Variants in GABRD observed in about 807,000 individuals in gnomAD.
GABRD encodes the protein gamma-aminobutyric acid receptor subunit delta.
GABRD carries 25 observed loss-of-function variants against 47.3 expected under a neutral mutation model. The ratio of observed to expected loss-of-function variants is 0.53; its 90% CI spans 0.39 to 0.74. GABRD has a LOEUF of 0.74. GABRD is among the 30% of genes least tolerant of loss of function. The pLI is 0.00. For synonymous variants in GABRD, 314 were observed against 278.8 expected (o/e 1.13, Z -1.26); for missense variants, 497 against 643.4 (o/e 0.77, Z 2.46).
At chr1:2,024,736 G>T in intron 1 of GABRD, 1 of 494,140 alleles carries the variant, frequency 2.0e-6, no homozygotes. Flanking sequence ...AGGGCCAGTG[G>T]AAGAGGCTGA....
intron 3 of GABRD, 22 bp from the exon 4 acceptor site, chr1:2,025,496 G>A (rs1045343810): frequency 7.4e-6 from 12 of 1,611,562 alleles, no homozygotes; most frequent in African/African-American, 1.3e-5. Flanking sequence ...GCTGACCCCC[G>A]GCCCCTGTGC....
chr1:2,027,750 C>T, intron 5 of GABRD, 91 bp downstream of exon 5: 1 of 1,183,028 alleles, frequency 8.5e-7, no homozygotes, highest in South Asian at 1.3e-5. Flanking sequence ...GCTGGCCCGG[C>T]TCAGGATGCA....
At chr1:2,027,757 T>A in intron 5 of GABRD, 98 bp downstream of exon 5, 1 of 1,114,358 alleles carries the variant, frequency 9.0e-7, no homozygotes. Context: ...CGGCTCAGGA[T>A]GCAGGAAAGC....
At position 2,028,867 on chromosome 1, in the gene GABRD, TA is replaced by T. The variant is rs1323452969; in HGVS notation, c.692-242del. 1.7e-6 allele frequency: 1 copy of T among 572,292 alleles called. No homozygotes were observed. The highest frequency in any genetic ancestry group is 3.1e-6 in the Non-Finnish European group (1 of 325,540). 35.5% of individuals were successfully genotyped at this position (572,292 alleles called of 1,614,324 possible). A position where few individuals can be genotyped will look rare whatever the true frequency, so the allele number is the denominator to read the frequency against. ...AGTCCAGCAAACATGAGGCCAGCAG[TA>T]ACCTCAGCCTCTCTCCCTCTCCTCT... is the stretch of plus-strand genomic sequence containing the variant. On this transcript the variant is annotated intron_variant, in intron 6 of 8. Coordinates refer to ENST00000378585, the MANE Select transcript of GABRD (RefSeq NM_000815.5). This position sits in a 1 kb window ranked among gnomAD's most constrained non-coding sequence, Gnocchi z 6.4.
rs772061844 is a variant in GABRD at position 2,029,653 on chromosome 1, G to A, written c.950G>A (p.Cys317Tyr). 2 of 1,613,568 alleles carry A rather than the reference G, an allele frequency of 1.2e-6. No individual in the cohort carries two copies. Among genetic ancestry groups the A allele is most frequent in the South Asian group, 2.2e-5 (2 of 91,090 alleles). Residue 317 changes from cysteine to tyrosine, a missense_variant, in exon 8 of 9, where the codon TGC (cysteine) becomes TAC (tyrosine). By Grantham distance (194) the Cys-to-Tyr change is radical (BLOSUM62 -2). Around this residue, in one of 3 missense-constraint regions of GABRD, gnomAD observed 285 missense variants for 436.6 expected, o/e 0.65. Transcript: ENST00000378585. ...GCACTGGACGTCTACTTCTGGATCT[G>A]CTATGTCTTCGTGTTTGCCGCCCTG... is the stretch of plus-strand genomic sequence containing the variant. ...IKALDVYFWI[C>Y]YVFVFAALVE...
chr1:2,023,359 C>T (rs1046704452), intron 1 of GABRD, among the ~76,000 whole-genome samples: 5 of 151,900 alleles, frequency 3.3e-5, no homozygotes, highest in African/African-American at 9.7e-5. Context: ...GGCCCGGCCT[C>T]AGCTTGACTG....
rs143031542 is a variant in GABRD at position 2,030,142 on chromosome 1, G to A, written c.1219G>A (p.Ala407Thr). 9.3e-5 allele frequency: 146 copies of A among 1,578,120 alleles called. No individual in the cohort carries two copies. The East Asian group carries it at 3.1e-3, about 34-fold the overall frequency. The stretch of plus-strand genomic sequence containing the variant: ...AGGGGAGACGAAGAAGGAGGGGGCA[G>A]CCCGCTCAGGAGGCCAGGGGGGCAT... The part of the protein sequence containing the change: ...ETGETKKEGA[A>T]RSGGQGGIRA... The change falls in exon 9 of 9, where the codon GCC becomes ACC. Residue 407 changes from alanine (A) to threonine (T), a missense_variant. Ala to Thr is a moderately conservative substitution (Grantham distance 58). Coordinates refer to ENST00000378585, the MANE Select transcript of GABRD (RefSeq NM_000815.5).
In GABRD at chr1:2,029,524, G is replaced by T. The variant is rs370906086; in HGVS notation, c.848-27G>T. On this transcript the variant is annotated intron_variant, in intron 7 of 8. Transcript: ENST00000378585. ...TGGGGCGGCGTGAGGGCAGGGCTAC[G>T]ACAATGGCACCACCTGTGCCCGGCA... The T allele has an allele frequency of 1.4e-5, 23 of 1,609,400 alleles. No homozygotes were observed. In the East Asian group the frequency reaches 5.1e-4, roughly 36 times the overall value.
At chr1:2,025,822 G>A in intron 4 of GABRD, 84 bp downstream of exon 4, 1 of 1,271,208 alleles carries the variant, frequency 7.9e-7, no homozygotes, top group Non-Finnish European at 1.1e-6. Flanking sequence ...GCTTGGAAAA[G>A]CTCGAGCGGC....
Position 2,028,301 on chromosome 1 carries a change from T to G in GABRD, c.691+9T>G. On this transcript the variant is annotated intron_variant, in intron 6 of 8. Transcript: ENST00000378585. This position sits in a 1 kb window ranked among gnomAD's most constrained non-coding sequence, Gnocchi z 6.4. ...GATGAACTTCAAGTCCGGTAACATA[T>G]GCCCGCCGCCCCTTCCGCATGTGCC... is the stretch of plus-strand genomic sequence containing the variant. The G allele has an allele frequency of 6.2e-7, 1 of 1,604,716 alleles. No individual in the cohort carries two copies. Among genetic ancestry groups the G allele is most frequent in the South Asian group, 1.1e-5 (1 of 90,646 alleles).
intron 1 of GABRD, 39 bp from the exon 2 acceptor site, chr1:2,024,903 A>T: frequency 6.9e-7 from 1 of 1,449,606 alleles, no homozygotes; most frequent in Non-Finnish European, 9.7e-7. Flanking sequence ...GAATTAAATT[A>T]AGTCCTGGCC....
intron 1 of GABRD, chr1:2,022,221 C>T (rs1008275579): frequency 1.3e-5 from 2 of 152,468 alleles, no homozygotes; most frequent in Non-Finnish European, 2.9e-5. Context: ...CCTATCTCCG[C>T]TGGTGCAGGC....
chr1:2,024,912 C>T, intron 1 of GABRD, 30 bp from the exon 2 acceptor site: 1 of 1,500,948 alleles, frequency 6.7e-7, no homozygotes, highest in Non-Finnish European at 9.3e-7. Flanking sequence ...TAAGTCCTGG[C>T]CTGTCTGACC....
At position 2,030,632 on chromosome 1, in the gene GABRD, C is replaced by A; in HGVS notation, c.*350C>A. 1 of 214,852 alleles carries A rather than the reference C, an allele frequency of 4.7e-6. No individual in the cohort carries two copies. Among genetic ancestry groups the A allele is most frequent in the Non-Finnish European group, 9.1e-6 (1 of 109,536 alleles). The allele number at this position is 214,852 out of a possible 1,614,324, so 13.3% of individuals were successfully genotyped here. Reference sequence around the variant, plus strand: ...TTTCTAGGTCTTTGCTCTGCAGGATCGGGATCAGAGCGTGGGAGGAGGTGG... The same window carrying A: ...TTTCTAGGTCTTTGCTCTGCAGGATAGGGATCAGAGCGTGGGAGGAGGTGG... On this transcript the variant is annotated 3_prime_UTR_variant, in exon 9 of 9. Transcript: ENST00000378585.
At chr1:2,025,860 C>T (rs3820007) in intron 4 of GABRD, 122 bp downstream of exon 4, 334,349 of 785,664 alleles carry the variant, frequency 0.43, 76,614 homozygotes, top group Non-Finnish European at 0.48. Flanking sequence ...GGCGGGCGGG[C>T]GGAGGGGGGG....
rs1270108151 is a variant in GABRD, at chr1:2,021,016, G to A, written c.68+1525G>A. On this transcript the variant is annotated intron_variant, in intron 1 of 8. Coordinates refer to ENST00000378585, the MANE Select transcript of GABRD (RefSeq NM_000815.5). ...GCCTGCATCTGGCTCCTGGGCTGAC[G>A]GGGAAGGGATTCTGTGCCTGTTTCC... Among the ~76,000 whole-genome samples, 5 of 152,310 alleles carry A rather than the reference G, an allele frequency of 3.3e-5. No homozygotes were observed. In the South Asian group the frequency reaches 8.3e-4, roughly 25 times the overall value.
At chr1:2,029,962 C>T (rs754083007) in intron 8 of GABRD, 21 bp from the exon 9 acceptor site, 48 of 1,611,002 alleles carry the variant, frequency 3.0e-5, no homozygotes, top group East Asian at 4.5e-5. Flanking sequence ...AGCCCTGTCT[C>T]CCCCACCGGC....
At position 2,025,667 on chromosome 1, in the gene GABRD, G is replaced by A; in HGVS notation, c.399G>A (p.Trp133Ter). The part of the protein sequence containing the change: ...DTFIVNAKSA[W>*]FHDVTVENKL... ...TCATCGTGAACGCCAAGTCGGCCTG[G>A]TTCCACGACGTGACGGTGGAGAACA... is the stretch of plus-strand genomic sequence containing the variant. Residue 133 changes from tryptophan (W) to a stop codon, truncating the protein, a stop_gained, in exon 4 of 9, where the codon TGG (tryptophan) becomes TGA (stop). Coordinates refer to ENST00000378585, the MANE Select transcript of GABRD (RefSeq NM_000815.5). LOFTEE classifies it high-confidence loss of function. 1 of 1,613,040 alleles carries A rather than the reference G, an allele frequency of 6.2e-7. No homozygotes were observed. The highest frequency in any genetic ancestry group is 8.5e-7 in the Non-Finnish European group (1 of 1,180,006).
Position 2,029,272 on chromosome 1 carries a change from G to A in GABRD, c.847+6G>A, listed in dbSNP as rs1291710542. ...GCCCGCCAGGGTGTCTCTAGGTACG[G>A]GGCCTCGCCGCTGCTCCGAGGGAGC... On this transcript the variant is annotated splice_donor_region_variant and intron_variant, in intron 7 of 8. Transcript: ENST00000378585. 3 of 1,552,586 alleles carry A rather than the reference G, an allele frequency of 1.9e-6. No homozygotes were observed. The highest frequency in any genetic ancestry group is 2.4e-5 in the South Asian group (2 of 84,498).
Sources: gnomAD v4.1 joint callset for allele counts (sites outside exome capture counted in the v4.1 genomes callset) on GRCh38, gnomAD v4.1.1 for gene constraint, gnomAD v4.1.1 regional missense constraint, Gnocchi (gnomAD v3.1) non-coding constraint, MANE v1.5 for transcripts, NCBI Gene and HGNC (gene_info 2026-07-23, HGNC 2026-07-21) for gene names.